The following VWC2L variants were observed in gnomAD, a reference collection of about 807,000 sequenced individuals.
VWC2L encodes von Willebrand factor C domain containing 2 like, also known as von Willebrand factor C domain-containing protein 2-like.
Under a neutral mutation model 21.6 loss-of-function variants are expected in VWC2L, and 10 were observed. The observed-to-expected ratio is 0.46, with a 90% CI of 0.29 to 0.78. The LOEUF (loss-of-function observed/expected upper bound fraction) is 0.78. Among genes scored for constraint, VWC2L ranks in the 30% least tolerant of loss-of-function variants. VWC2L has a pLI of 0.10. For missense variants in VWC2L, 209 were observed against 277.1 expected, an observed-to-expected ratio of 0.75 and a Z score of 1.74; for synonymous variants, 96 against 94.3, an observed-to-expected ratio of 1.02 and a Z score of -0.10.
intron 3 of VWC2L, among the ~76,000 whole-genome samples, chr2:214,509,292 A>T (rs1205843701): frequency 6.6e-6 from 1 of 152,232 alleles, no homozygotes; most frequent in African/African-American, 2.4e-5. Flanking sequence ...ATAGTAATAT[A>T]AGGCTATTTT....
chr2:214,466,897 ATTGCT>A (rs1703225758), intron 3 of VWC2L, among the ~76,000 whole-genome samples: 1 of 152,018 alleles, frequency 6.6e-6, no homozygotes, highest in African/African-American at 2.4e-5. Context: ...TTTTTTATTG[ATTGCT>A]TTATCTCCTT....
intron 3 of VWC2L, among the ~76,000 whole-genome samples, chr2:214,454,058 A>G (rs1398075832): frequency 6.6e-6 from 1 of 151,756 alleles, no homozygotes; most frequent in Non-Finnish European, 1.5e-5. Flanking sequence ...ATTTTTAAAG[A>G]TTTTCTGACT....
In VWC2L at chr2:214,511,339, GT is replaced by G. The variant is rs755745279; in HGVS notation, c.521-64332del. 1.7e-3 allele frequency among the ~76,000 whole-genome samples: 258 copies of G among 152,230 alleles called. 1 individual carries two copies. Among genetic ancestry groups the G allele is most frequent in the Middle Eastern group, 3.4e-3 (1 of 294 alleles). On this transcript the variant is annotated intron_variant, in intron 3 of 3. Transcript: ENST00000312504. ...CCAAACCACTGTGGACTAAATTGTG[GT>G]CCCCCCTCAAATTCATATGGAAGCC...
At chr2:214,436,013 T>C (rs567681666) in intron 2 of VWC2L, among the ~76,000 whole-genome samples, 32 of 152,232 alleles carry the variant, frequency 2.1e-4, no homozygotes, top group Admixed American at 9.2e-4. Flanking sequence ...GATTTGTTCA[T>C]TCATAAAAGC....
chr2:214,470,335 T>C (rs1051248642), intron 3 of VWC2L, among the ~76,000 whole-genome samples: 4 of 151,994 alleles, frequency 2.6e-5, no homozygotes, highest in African/African-American at 9.7e-5. Context: ...CGGGGTCCCA[T>C]GGTTTAAATT....
chr2:214,525,204 C>T (rs1393844666), intron 3 of VWC2L: 2 of 152,062 alleles, frequency 1.3e-5, no homozygotes, highest in Admixed American at 6.6e-5. Flanking sequence ...TTTTAACCAC[C>T]TTGAGGGTCA....
At chr2:214,455,545 G>A (rs1053012861) in intron 3 of VWC2L, among the ~76,000 whole-genome samples, 1 of 152,118 alleles carries the variant, frequency 6.6e-6, no homozygotes, top group African/African-American at 2.4e-5. Context: ...ATGTGTTGGG[G>A]ACATTTTAAG....
At chr2:214,548,281 C>T (rs777051658) in intron 3 of VWC2L, among the ~76,000 whole-genome samples, 1 of 152,064 alleles carries the variant, frequency 6.6e-6, no homozygotes, top group South Asian at 2.1e-4. Context: ...ACAAGGCATG[C>T]AATTTACAGG....
intron 3 of VWC2L, among the ~76,000 whole-genome samples, chr2:214,497,242 C>T (rs927521635): frequency 6.6e-6 from 1 of 152,110 alleles, no homozygotes; most frequent in Non-Finnish European, 1.5e-5. Context: ...AAGCTCTTAC[C>T]CTTCTACATA....
In VWC2L at chr2:214,429,500, T is replaced by C. The variant is rs1702570118; in HGVS notation, c.391-7129T>C. 2.0e-5 allele frequency among the ~76,000 whole-genome samples: 3 copies of C among 152,204 alleles called. No individual in the cohort carries two copies. In the South Asian group the frequency reaches 6.2e-4, roughly 31 times the overall value. Reference sequence around the variant, plus strand: ...AGGCAGCTAAATTATCTTTTTCCTCTCTTAAATATACCCTGATATTTCCTT... The same window carrying C: ...AGGCAGCTAAATTATCTTTTTCCTCCCTTAAATATACCCTGATATTTCCTT... On this transcript the variant is annotated intron_variant, in intron 2 of 3. Coordinates refer to ENST00000312504, the MANE Select transcript of VWC2L (RefSeq NM_001080500.4).
chr2:214,569,429 A>G (rs1690116283), intron 3 of VWC2L, among the ~76,000 whole-genome samples: 1 of 152,170 alleles, frequency 6.6e-6, no homozygotes, highest in Non-Finnish European at 1.5e-5. Context: ...GGATGTGTCC[A>G]AAAGTATTTA....
intron 3 of VWC2L, among the ~76,000 whole-genome samples, chr2:214,562,527 C>G (rs547617172): frequency 6.6e-6 from 1 of 152,294 alleles, no homozygotes; most frequent in East Asian, 1.9e-4. Context: ...ATTGCTGGGC[C>G]AAATGGTATT....
intron 3 of VWC2L, among the ~76,000 whole-genome samples, chr2:214,511,875 A>G (rs574538435): frequency 6.9e-6 from 1 of 144,260 alleles, no homozygotes; most frequent in Non-Finnish European, 1.5e-5. Flanking sequence ...TATATACTTT[A>G]TATATATACT....
intron 3 of VWC2L, among the ~76,000 whole-genome samples, chr2:214,487,299 C>G (rs1688684215): frequency 6.6e-6 from 1 of 151,790 alleles, no homozygotes; most frequent in Non-Finnish European, 1.5e-5. Context: ...CATTAATCAG[C>G]AAGCATGGGC....
chr2:214,554,938 C>G (rs1413021983), intron 3 of VWC2L, among the ~76,000 whole-genome samples: 1 of 152,316 alleles, frequency 6.6e-6, no homozygotes, highest in Middle Eastern at 3.4e-3. Context: ...AAGAATCCTC[C>G]TTCCCTTTCC....
intron 3 of VWC2L, among the ~76,000 whole-genome samples, chr2:214,556,023 G>A (rs1203494071): frequency 2.0e-5 from 3 of 152,130 alleles, no homozygotes; most frequent in Non-Finnish European, 2.9e-5. Context: ...GTGTTCACCA[G>A]CACACTCAGA....
intron 3 of VWC2L, among the ~76,000 whole-genome samples, chr2:214,534,498 A>G (rs1052390444): frequency 2.6e-5 from 4 of 152,098 alleles, no homozygotes; most frequent in African/African-American, 7.2e-5. Flanking sequence ...ATGAGAAAGC[A>G]TTGGTGGGAG....
At chr2:214,447,218 A>G (rs1702851386) in intron 3 of VWC2L, among the ~76,000 whole-genome samples, 1 of 152,132 alleles carries the variant, frequency 6.6e-6, no homozygotes, top group Admixed American at 6.6e-5. Flanking sequence ...ATCTCTCCAG[A>G]GAGGTTCAAA....
intron 3 of VWC2L, among the ~76,000 whole-genome samples, chr2:214,530,180 C>T (rs1489891224): frequency 2.0e-5 from 3 of 152,142 alleles, no homozygotes; most frequent in Admixed American, 2.0e-4. Flanking sequence ...CCAAGTGGGG[C>T]TCAAGCCAAA....
Sources: gnomAD v4.1 joint callset for allele counts (sites outside exome capture counted in the v4.1 genomes callset) on GRCh38, gnomAD v4.1.1 for gene constraint, MANE v1.5 for transcripts, NCBI Gene and HGNC (gene_info 2026-07-23, HGNC 2026-07-21) for gene names.